Variants in WWOX observed in about 807,000 individuals in gnomAD.
The protein encoded by WWOX is WW domain containing oxidoreductase.
In WWOX, 69 loss-of-function variants were observed where a neutral mutation model predicts 46.2. The observed-to-expected ratio is 1.49, with a 90% CI of 1.23 to 1.82. The LOEUF (loss-of-function observed/expected upper bound fraction) is 1.82. Ranked by LOEUF, WWOX falls within the 40% of genes most tolerant of loss-of-function variation. The pLI is 0.00. For missense variants in WWOX, 919 were observed against 542.6 expected, an observed-to-expected ratio of 1.69 and a Z score of -6.89; for synonymous variants, 359 against 202.6, an observed-to-expected ratio of 1.77 and a Z score of -6.56.
intron 8 of WWOX, among the ~76,000 whole-genome samples, chr16:78,545,534 C>G (rs1211211238): frequency 6.6e-6 from 1 of 152,138 alleles, no homozygotes; most frequent in Admixed American, 6.5e-5. Context: ...CATCCTTAAA[C>G]AAGTTCAATG....
chr16:78,604,331 C>A (rs1169252392), intron 8 of WWOX, among the ~76,000 whole-genome samples: 1 of 152,086 alleles, frequency 6.6e-6, no homozygotes, highest in African/African-American at 2.4e-5. Flanking sequence ...ACTTCTCTAG[C>A]CCTCATGAAT....
At chr16:78,842,788 G>A (rs1450597018) in intron 8 of WWOX, among the ~76,000 whole-genome samples, 2 of 150,972 alleles carry the variant, frequency 1.3e-5, no homozygotes, top group African/African-American at 2.4e-5. Flanking sequence ...GGAGGCGGAG[G>A]TTGCAGTCAA....
intron 5 of WWOX, among the ~76,000 whole-genome samples, chr16:78,306,688 T>C (rs2080139889): frequency 6.6e-6 from 1 of 151,560 alleles, no homozygotes; most frequent in South Asian, 2.1e-4. Context: ...TGATGAGCCC[T>C]ATGCCTTCCC....
At chr16:78,310,828 C>T (rs1349750186) in intron 5 of WWOX, among the ~76,000 whole-genome samples, 1 of 152,192 alleles carries the variant, frequency 6.6e-6, no homozygotes, top group Non-Finnish European at 1.5e-5. Context: ...GAACCCAGTT[C>T]AATTCCCAGC....
chr16:78,431,504 A>G (rs2083216255), intron 7 of WWOX, among the ~76,000 whole-genome samples: 1 of 152,180 alleles, frequency 6.6e-6, no homozygotes. Context: ...GGAATGTGAT[A>G]TCTTTCTGTT....
chr16:78,858,689 T>C (rs2052628139), intron 8 of WWOX, among the ~76,000 whole-genome samples: 1 of 152,042 alleles, frequency 6.6e-6, no homozygotes. Flanking sequence ...ATGTCCTTTT[T>C]ATTTTTTTGA....
rs145310802 is a variant in WWOX, at chr16:78,136,147, T to C, written c.409+20993T>C. 2.0e-5 allele frequency among the ~76,000 whole-genome samples: 3 copies of C among 152,276 alleles called. No individual in the cohort carries two copies. The East Asian group carries it at 5.8e-4, about 29-fold the overall frequency. On this transcript the variant is annotated intron_variant, in intron 4 of 8. Coordinates refer to ENST00000566780, the MANE Select transcript of WWOX (RefSeq NM_016373.4). ...TGAACTTTATCAACCTTGGCTGAAA[T>C]TCACAATGCGTGCCAAACTTGTTGT...
intron 8 of WWOX, among the ~76,000 whole-genome samples, chr16:78,499,574 C>T (rs916412220): frequency 6.6e-6 from 1 of 152,252 alleles, no homozygotes; most frequent in Non-Finnish European, 1.5e-5. Flanking sequence ...GACGGGCTTC[C>T]TGCCTCCTGG....
At chr16:78,644,906 G>A (rs999793837) in intron 8 of WWOX, among the ~76,000 whole-genome samples, 9 of 152,154 alleles carry the variant, frequency 5.9e-5, no homozygotes, top group African/African-American at 2.2e-4. Context: ...AATATAGATA[G>A]GAATTACTAA....
At chr16:78,804,816 A>T (rs1358743129) in intron 8 of WWOX, among the ~76,000 whole-genome samples, 1 of 152,256 alleles carries the variant, frequency 6.6e-6, no homozygotes, top group Non-Finnish European at 1.5e-5. Flanking sequence ...AAAGAAAAAA[A>T]AATCCTGTTT....
chr16:78,587,193 CTTTTTTT>C (rs528293412), intron 8 of WWOX, among the ~76,000 whole-genome samples: 10,207 of 112,848 alleles, frequency 0.09, 448 homozygotes, highest in Middle Eastern at 0.14. Flanking sequence ...GCCTGGCTAA[CTTTTTTT>C]TTTTTTTTTT....
At chr16:78,484,505 T>C (rs1405243016) in intron 8 of WWOX, among the ~76,000 whole-genome samples, 2 of 152,208 alleles carry the variant, frequency 1.3e-5, no homozygotes, top group South Asian at 2.1e-4. Flanking sequence ...GTAAGACTTA[T>C]TAGCTGCATT....
intron 8 of WWOX, among the ~76,000 whole-genome samples, chr16:78,861,794 G>C (rs893334726): frequency 6.6e-6 from 1 of 152,054 alleles, no homozygotes; most frequent in African/African-American, 2.4e-5. Context: ...GTCTTAAAAA[G>C]TCCAGAAATT....
At chr16:78,228,027 G>A (rs1307309806) in intron 5 of WWOX, among the ~76,000 whole-genome samples, 1 of 152,108 alleles carries the variant, frequency 6.6e-6, no homozygotes, top group Non-Finnish European at 1.5e-5. Context: ...CCTCTCTCTG[G>A]CAAATAGAGT....
chr16:78,586,600 C>G (rs1234571876), intron 8 of WWOX, among the ~76,000 whole-genome samples: 1 of 152,200 alleles, frequency 6.6e-6, no homozygotes, highest in African/African-American at 2.4e-5. Context: ...GATTAAGAAA[C>G]TTGCTCAATG....
intron 5 of WWOX, among the ~76,000 whole-genome samples, chr16:78,296,401 G>T (rs1445187130): frequency 6.6e-6 from 1 of 151,700 alleles, no homozygotes; most frequent in Non-Finnish European, 1.5e-5. Context: ...GGTTATTTCA[G>T]GAAGGGCTCA....
intron 8 of WWOX, among the ~76,000 whole-genome samples, chr16:78,964,710 C>T (rs544327329): frequency 6.6e-6 from 1 of 152,328 alleles, no homozygotes; most frequent in South Asian, 2.1e-4. Flanking sequence ...AGGAAAATGT[C>T]TCCAGGCCAT....
intron 5 of WWOX, among the ~76,000 whole-genome samples, chr16:78,186,004 G>A (rs931033359): frequency 6.6e-5 from 10 of 152,156 alleles, no homozygotes; most frequent in Admixed American, 2.0e-4. Flanking sequence ...GCGGTGGCTA[G>A]CTCTGCCCCA....
In WWOX at chr16:78,122,559, G is replaced by C. The variant is rs538072183; in HGVS notation, c.409+7405G>C. ...TTTGATCTTTTGCTTTTACATCATA[G>C]AGTGGCACAATAAAAATTGTAATGG... On this transcript the variant is annotated intron_variant, in intron 4 of 8. Transcript: ENST00000566780. 1.1e-3 allele frequency among the ~76,000 whole-genome samples: 162 copies of C among 151,832 alleles called. 1 individual carries two copies. Among genetic ancestry groups the C allele is most frequent in the African/African-American group, 3.7e-3 (155 of 41,384 alleles).
Sources: allele counts gnomAD v4.1 joint callset (sites outside exome capture counted in the v4.1 genomes callset), GRCh38; gene constraint gnomAD v4.1.1; transcripts MANE v1.5; gene names NCBI Gene and HGNC (gene_info 2026-07-23, HGNC 2026-07-21).